The following GRID2 variants were observed in gnomAD, a reference collection of about 807,000 sequenced individuals.
GRID2 encodes the protein glutamate receptor ionotropic, delta-2.
In GRID2, 33 loss-of-function variants were observed where a neutral mutation model predicts 114.8. The ratio of observed to expected loss-of-function variants is 0.29; its 90% CI spans 0.22 to 0.38. GRID2 has a LOEUF of 0.38. GRID2 is among the 10% of genes least tolerant of loss of function. The pLI is 1.00. For missense variants in GRID2, 1,184 were observed against 1,257.7 expected (o/e 0.94, Z 0.89); for synonymous variants, 505 against 449.9 (o/e 1.12, Z -1.55).
chr4:93,553,901 T>C (rs1193885411), intron 13 of GRID2, among the ~76,000 whole-genome samples: 1 of 152,194 alleles, frequency 6.6e-6, no homozygotes, highest in African/African-American at 2.4e-5. Context: ...CTTACTCAAC[T>C]GTAGATTATA....
intron 1 of GRID2, among the ~76,000 whole-genome samples, chr4:92,515,415 T>C (rs1007768252): frequency 1.3e-5 from 2 of 151,924 alleles, no homozygotes; most frequent in African/African-American, 4.8e-5. Context: ...TTATAAAAGA[T>C]TATATTGAAT....
chr4:93,492,892 C>T (rs994982239), intron 12 of GRID2, among the ~76,000 whole-genome samples: 2 of 150,746 alleles, frequency 1.3e-5, no homozygotes, highest in African/African-American at 4.9e-5. Context: ...CTTTGACCGA[C>T]ATCTCCACAT....
intron 11 of GRID2, among the ~76,000 whole-genome samples, chr4:93,468,087 C>G (rs1057239174): frequency 1.3e-5 from 2 of 152,286 alleles, no homozygotes; most frequent in East Asian, 3.9e-4. Flanking sequence ...AAATATATGT[C>G]TGAATTCCTC....
chr4:93,766,486 G>A (rs1022738057), intron 14 of GRID2, among the ~76,000 whole-genome samples: 2 of 152,176 alleles, frequency 1.3e-5, no homozygotes, highest in African/African-American at 4.8e-5. Context: ...CACTTGACAC[G>A]TGGAGATTAT....
chr4:93,156,728 G>A (rs775589662), intron 4 of GRID2, among the ~76,000 whole-genome samples: 10 of 151,690 alleles, frequency 6.6e-5, no homozygotes, highest in South Asian at 4.1e-4. Flanking sequence ...AGGGATGCAC[G>A]GGAGGGATCC....
At chr4:92,879,935 T>C (rs1050299775) in intron 2 of GRID2, among the ~76,000 whole-genome samples, 1 of 152,200 alleles carries the variant, frequency 6.6e-6, no homozygotes, top group Non-Finnish European at 1.5e-5. Flanking sequence ...GTAGGTAACT[T>C]AGCTTAAATA....
intron 13 of GRID2, among the ~76,000 whole-genome samples, chr4:93,593,704 G>T (rs1440860414): frequency 2.0e-5 from 3 of 152,088 alleles, no homozygotes; most frequent in Non-Finnish European, 4.4e-5. Context: ...ATCAGACGTA[G>T]ATTTGGTCTT....
chr4:93,289,367 T>C (rs1753501686), intron 8 of GRID2, among the ~76,000 whole-genome samples: 1 of 152,244 alleles, frequency 6.6e-6, no homozygotes, highest in South Asian at 2.1e-4. Flanking sequence ...AGCAAACAAA[T>C]AGCTACTTAT....
At chr4:93,282,682 CAT>C (rs1474371209) in intron 8 of GRID2, among the ~76,000 whole-genome samples, 2 of 152,004 alleles carry the variant, frequency 1.3e-5, no homozygotes, top group African/African-American at 4.8e-5. Flanking sequence ...ACATTCAAAT[CAT>C]AGTACTACCC....
At chr4:93,076,878 C>T (rs1259171755) in intron 2 of GRID2, among the ~76,000 whole-genome samples, 1 of 152,000 alleles carries the variant, frequency 6.6e-6, no homozygotes, top group Admixed American at 6.6e-5. Context: ...TCGGCCCAAC[C>T]TCTTTATTAA....
intron 2 of GRID2, among the ~76,000 whole-genome samples, chr4:92,646,040 A>C (rs1731600884): frequency 6.6e-6 from 1 of 151,682 alleles, no homozygotes; most frequent in Non-Finnish European, 1.5e-5. Flanking sequence ...TCTTGATTGC[A>C]CTGTTTTAGA....
intron 3 of GRID2, among the ~76,000 whole-genome samples, chr4:93,101,517 C>T (rs1048454326): frequency 6.6e-6 from 1 of 151,942 alleles, no homozygotes; most frequent in Non-Finnish European, 1.5e-5. Context: ...AGATGCTGAC[C>T]ACTGGTATGG....
intron 13 of GRID2, among the ~76,000 whole-genome samples, chr4:93,592,537 A>T (rs1738492342): frequency 6.6e-6 from 1 of 151,984 alleles, no homozygotes; most frequent in Non-Finnish European, 1.5e-5. Flanking sequence ...TATTCTGTTG[A>T]TTTGGGGTGG....
chr4:93,618,825 C>A (rs1741949900), intron 13 of GRID2, among the ~76,000 whole-genome samples: 1 of 152,318 alleles, frequency 6.6e-6, no homozygotes, highest in Non-Finnish European at 1.5e-5. Flanking sequence ...GAGCCCCAAC[C>A]TTTCTAACCT....
rs370597881 is a variant in GRID2 at position 93,221,365 on chromosome 4, A to C, written c.964-3249A>C. On this transcript the variant is annotated intron_variant, in intron 6 of 15. Transcript: ENST00000282020. ...AAGCCACAGATGGTGTCAAATATTGAAAGCTTGTCATGTAGAGGAGGTGAG... is the reference window on the plus strand; with the variant it reads ...AAGCCACAGATGGTGTCAAATATTGCAAGCTTGTCATGTAGAGGAGGTGAG... Among the ~76,000 whole-genome samples the C allele has an allele frequency of 3.7e-4, 56 of 152,286 alleles. 1 individual carries two copies. The South Asian group carries it at 0.012, about 32-fold the overall frequency.
At position 92,941,593 on chromosome 4, in the gene GRID2, T is replaced by G. The variant is rs187792972; in HGVS notation, c.245-143402T>G. ...TTCAGTTCTGCTCTGATCTTAATTA[T>G]TTCTTGTCTTCTGCTAGCTTTTGAA... On this transcript the variant is annotated intron_variant, in intron 2 of 15. Coordinates refer to ENST00000282020, the MANE Select transcript of GRID2 (RefSeq NM_001510.4). 8.5e-4 allele frequency among the ~76,000 whole-genome samples: 129 copies of G among 152,312 alleles called. 1 individual carries two copies. Among genetic ancestry groups the G allele is most frequent in the African/African-American group, 2.9e-3 (122 of 41,570 alleles).
At chr4:92,817,983 T>C (rs1356008842) in intron 2 of GRID2, among the ~76,000 whole-genome samples, 1 of 152,184 alleles carries the variant, frequency 6.6e-6, no homozygotes, top group Non-Finnish European at 1.5e-5. Flanking sequence ...AAAACTATGT[T>C]ATCCAAAAGA....
intron 4 of GRID2, among the ~76,000 whole-genome samples, chr4:93,114,482 A>G (rs1249182677): frequency 6.6e-6 from 1 of 152,020 alleles, no homozygotes; most frequent in Non-Finnish European, 1.5e-5. Context: ...TTTTTAAGTA[A>G]CTTATCTTTT....
chr4:92,701,289 C>G (rs1734665220), intron 2 of GRID2, among the ~76,000 whole-genome samples: 1 of 152,120 alleles, frequency 6.6e-6, no homozygotes, highest in Admixed American at 6.5e-5. Context: ...TCTACTAACC[C>G]TTGGTATGAT....
Sources: allele counts gnomAD v4.1 joint callset (sites outside exome capture counted in the v4.1 genomes callset), GRCh38; gene constraint gnomAD v4.1.1; transcripts MANE v1.5; gene names NCBI Gene and HGNC (gene_info 2026-07-23, HGNC 2026-07-21).